Variants in AOC2 observed in about 807,000 individuals in gnomAD.
AOC2 encodes amine oxidase [copper-containing] 2.
A neutral mutation model predicts 53.8 loss-of-function variants in AOC2; 57 were observed. The ratio of observed to expected loss-of-function variants is 1.06; its 90% CI spans 0.86 to 1.32. The LOEUF (loss-of-function observed/expected upper bound fraction) is 1.32. Ranked by LOEUF, AOC2 falls within the 40% of genes most tolerant of loss-of-function variation. The probability of loss-of-function intolerance (pLI) is 0.00; values close to 1 mark genes in which losing one functional copy is unlikely to be tolerated. For missense variants in AOC2, 1,008 were observed against 957.2 expected, an observed-to-expected ratio of 1.05 and a Z score of -0.70; for synonymous variants, 404 against 399.0, an observed-to-expected ratio of 1.01 and a Z score of -0.15.
Position 42,849,179 on chromosome 17 carries a change from CTCGGCAGG to C in AOC2, c.1685_1692del (p.Arg562ProfsTer23). 6.2e-7 allele frequency: 1 copy of C among 1,614,218 alleles called. No homozygotes were observed. Among genetic ancestry groups the C allele is most frequent in the East Asian group, 2.2e-5 (1 of 44,878 alleles). On this transcript the variant is annotated frameshift_variant, in exon 2 of 4. Coordinates refer to ENST00000253799, the MANE Select transcript of AOC2 (RefSeq NM_009590.4). LOFTEE classifies it high-confidence loss of function. ...CACTGGCTACAGCGCCCACAGCTGACTCGGCAGGTCCTGGGAAAGGAGGACCTGACAGC... is the reference window on the plus strand; with the variant it reads ...CACTGGCTACAGCGCCCACAGCTGACTCCTGGGAAAGGAGGACCTGACAGC...
Position 42,845,987 on chromosome 17 carries a change from T to G in AOC2, c.1361T>G (p.Leu454Arg), listed in dbSNP as rs779116861. Reference sequence around the variant, plus strand: ...TATGGTGGTTTGGCCAGCTCAGCCCTTGTGGTCAGGTCTGTGTCATCTGTG... The same window carrying G: ...TATGGTGGTTTGGCCAGCTCAGCCCGTGTGGTCAGGTCTGTGTCATCTGTG... ...HFYGGLASSA[L>R]VVRSVSSVGN... is the part of the protein sequence containing the mutation. Residue 454 changes from leucine to arginine, a missense_variant, in exon 1 of 4, where the codon CTT becomes CGT. Leu to Arg is a moderately radical substitution (Grantham distance 102). Coordinates refer to ENST00000253799, the MANE Select transcript of AOC2 (RefSeq NM_009590.4). 5.0e-6 allele frequency: 8 copies of G among 1,614,084 alleles called. 1 individual carries two copies. The South Asian group carries it at 8.8e-5, about 18-fold the overall frequency.
At chr17:42,847,519 A>G (rs1163029375) in intron 1 of AOC2, among the ~76,000 whole-genome samples, 2 of 152,204 alleles carry the variant, frequency 1.3e-5, no homozygotes, top group African/African-American at 4.8e-5. Context: ...AAAGGTATGA[A>G]TGTGCTTGCT....
chr17:42,846,189 C>CT lies in AOC2; in HGVS notation c.1565dup (p.Lys523GlnfsTer16). 6.6e-7 allele frequency: 1 copy of CT among 1,524,078 alleles called. No homozygotes were observed. Among genetic ancestry groups the CT allele is most frequent in the South Asian group, 1.3e-5 (1 of 76,390 alleles). The allele number at this position is 1,524,078 out of a possible 1,614,324, so 94.4% of individuals were successfully genotyped here. ...GAACGGTGCACACACATGCCTTCCA[C>CT]TTCAAGCTGGACCTGGATGTGGCAG... On this transcript the variant is annotated frameshift_variant, in exon 1 of 4. Transcript: ENST00000253799. LOFTEE classifies it high-confidence loss of function.
rs1159076182 is a variant in AOC2, at chr17:42,845,324, T to C, written c.698T>C (p.Phe233Ser). The change falls in exon 1 of 4, where the codon TTC (phenylalanine) becomes TCC (serine). Residue 233 changes from phenylalanine to serine, a missense_variant. Physicochemically the swap from Phe to Ser is radical, Grantham distance 155. Transcript: ENST00000253799. ...CATAACATCTCAGGGGTTGGTCTTT[T>C]CCTTCACCCCGTGGGGCTGGAGCTA... ...LYHNISGVGL[F>S]LHPVGLELLL... 1 of 1,614,150 alleles carries C rather than the reference T, an allele frequency of 6.2e-7. No individual in the cohort carries two copies. The highest frequency in any genetic ancestry group is 1.1e-5 in the South Asian group (1 of 91,086).
At position 42,850,198 on chromosome 17, in the gene AOC2, T is replaced by C. The variant is rs1214405707; in HGVS notation, c.2121T>C (p.Phe707=). 8.7e-6 allele frequency: 14 copies of C among 1,614,056 alleles called. No individual in the cohort carries two copies. The highest frequency in any genetic ancestry group is 1.3e-5 in the African/African-American group (1 of 74,908). ...TCTTGCTCCGACCCTATAACTTCTT[T>C]GATGAGGACCCCTCCATCTTCTCCC... is the stretch of plus-strand genomic sequence containing the variant. ...VGFLLRPYNF[F]DEDPSIFSPG... is the part of the protein sequence containing the mutation. The change falls in exon 4 of 4, where the codon TTT becomes TTC. Residue 707 remains phenylalanine, a synonymous_variant. Transcript: ENST00000253799.
rs763334115 is a variant in AOC2 at position 42,850,296 on chromosome 17, A to G, written c.2219A>G (p.Asp740Gly). Reference protein sequence around the residue: ...CSINPVACLPDLAACVPDLPP... With the variant: ...CSINPVACLPGLAACVPDLPP... ...ATCAATCCTGTGGCCTGCCTCCCCGACCTGGCAGCCTGTGTCCCGGACTTA... is the reference window on the plus strand; with the variant it reads ...ATCAATCCTGTGGCCTGCCTCCCCGGCCTGGCAGCCTGTGTCCCGGACTTA... The change falls in exon 4 of 4, where the codon GAC (aspartate) becomes GGC (glycine). Residue 740 changes from aspartate (D) to glycine (G), a missense_variant. By Grantham distance (94) the Asp-to-Gly change is moderately conservative. Transcript: ENST00000253799. 6.2e-7 allele frequency: 1 copy of G among 1,613,350 alleles called. No homozygotes were observed. Among genetic ancestry groups the G allele is most frequent in the South Asian group, 1.1e-5 (1 of 91,062 alleles).
At chr17:42,848,524 A>AATATATATATATATATAT (rs71228780) in intron 1 of AOC2, among the ~76,000 whole-genome samples, 14 of 131,256 alleles carry the variant, frequency 1.1e-4, no homozygotes, top group Admixed American at 3.8e-4. Flanking sequence ...AGAGGAACTG[A>AATATATATATATATATAT]ATATATATAT....
chr17:42,849,409 G>A, intron 2 of AOC2, 38 bp downstream of exon 2: 4 of 1,598,742 alleles, frequency 2.5e-6, no homozygotes, highest in Non-Finnish European at 3.4e-6. Flanking sequence ...GGAAAGGACA[G>A]CCCCTCCCCT....
In AOC2 at chr17:42,849,012, C is replaced by A. The variant is rs912205010; in HGVS notation, c.1589-74C>A. The A allele has an allele frequency of 8.2e-6, 12 of 1,455,650 alleles. No homozygotes were observed. In the African/African-American group the frequency reaches 1.7e-4, roughly 21 times the overall value. The allele number at this position is 1,455,650 out of a possible 1,614,324, so 90.2% of individuals were successfully genotyped here. On this transcript the variant is annotated intron_variant, in intron 1 of 3. Coordinates refer to ENST00000253799, the MANE Select transcript of AOC2 (RefSeq NM_009590.4). Reference sequence around the variant, plus strand: ...TTTGTCACACCAGTGCAGTGGACATCATGGGGAAGACAGGGACCTGGCCCA... The same window carrying A: ...TTTGTCACACCAGTGCAGTGGACATAATGGGGAAGACAGGGACCTGGCCCA...
intron 1 of AOC2, among the ~76,000 whole-genome samples, chr17:42,846,463 A>G (rs904552812): frequency 1.3e-5 from 2 of 152,178 alleles, no homozygotes; most frequent in Admixed American, 6.5e-5. Context: ...CTGACTTGCT[A>G]TGATTGTGAA....
chr17:42,849,805 G>A, intron 3 of AOC2, 75 bp downstream of exon 3: 10 of 1,597,372 alleles, frequency 6.3e-6, no homozygotes, highest in Non-Finnish European at 8.6e-6. Context: ...CTGGCCAAAG[G>A]TTAGAGGGAA....
At position 42,846,327 on chromosome 17, in the gene AOC2, G is replaced by A; in HGVS notation, c.1588+113G>A. ...AAATAACAAGTGGCAAGAGCAGGGT[G>A]TTCCAACACCACAGCTCTAGTGGCA... On this transcript the variant is annotated intron_variant, in intron 1 of 3. Transcript: ENST00000253799. 4.1e-6 allele frequency: 5 copies of A among 1,215,148 alleles called. No individual in the cohort carries two copies. The South Asian group carries it at 4.9e-5, about 12-fold the overall frequency. 75.3% of individuals were successfully genotyped at this position (1,215,148 alleles called of 1,614,324 possible).
chr17:42,847,782 C>CT (rs1213018759), intron 1 of AOC2, among the ~76,000 whole-genome samples: 2,085 of 140,694 alleles, frequency 0.015, 63 homozygotes, highest in South Asian at 0.11. Flanking sequence ...CCACGCCCAG[C>CT]TTTTTTTTTT....
At position 42,844,766 on chromosome 17, in the gene AOC2, G is replaced by A. The variant is rs147588427; in HGVS notation, c.140G>A (p.Trp47Ter). ...TCTGTATCCCATAGGGCCCAGCCCT[G>A]GCCACACCCTGGCCAGAGCCAGCTG... Reference protein sequence around the residue: ...CPSVSHRAQPWPHPGQSQLFA... With the variant: ...CPSVSHRAQP Residue 47 changes from tryptophan to a stop codon, truncating the protein, a stop_gained, in exon 1 of 4, where the codon TGG (tryptophan) becomes TAG (stop). Transcript: ENST00000253799. LOFTEE classifies it high-confidence loss of function. The A allele has an allele frequency of 6.0e-4, 973 of 1,614,088 alleles. 11 individuals carry two copies. The highest frequency in any genetic ancestry group is 2.0e-4 in the Admixed American group (12 of 60,012).
Position 42,849,600 on chromosome 17 carries a change from G to A in AOC2, c.1875-1G>A. ...ACCACCTTCTTATGATTCCTGGCCA[G>A]ATACCAGCTTGTGGTGACCCAGAGA... On this transcript the variant is annotated splice_acceptor_variant, in intron 2 of 3. Coordinates refer to ENST00000253799, the MANE Select transcript of AOC2 (RefSeq NM_009590.4). LOFTEE classifies it high-confidence loss of function. 6.2e-7 allele frequency: 1 copy of A among 1,614,232 alleles called. No homozygotes were observed. The highest frequency in any genetic ancestry group is 1.1e-5 in the South Asian group (1 of 91,084).
chr17:42,850,069 C>T lies in AOC2; in HGVS notation c.2005-13C>T. The T allele has an allele frequency of 4.3e-6, 7 of 1,610,390 alleles. No homozygotes were observed. Among genetic ancestry groups the T allele is most frequent in the Non-Finnish European group, 5.9e-6 (7 of 1,177,088 alleles). The stretch of plus-strand genomic sequence containing the variant: ...CGCTTCCATAGTCCTCCAGCTCCTC[C>T]TTCTTCTTGCAGGATCTGGTGGCTT... On this transcript the variant is annotated splice_polypyrimidine_tract_variant and intron_variant, in intron 3 of 3. Transcript: ENST00000253799.
At position 42,845,573 on chromosome 17, in the gene AOC2, A is replaced by T. The variant is rs369455119; in HGVS notation, c.947A>T (p.Gln316Leu). 5 of 1,614,052 alleles carry T rather than the reference A, an allele frequency of 3.1e-6. No individual in the cohort carries two copies. Among genetic ancestry groups the T allele is most frequent in the Non-Finnish European group, 3.4e-6 (4 of 1,180,032 alleles). The change falls in exon 1 of 4, where the codon CAG (glutamine) becomes CTG (leucine). Residue 316 changes from glutamine (Q) to leucine (L), a missense_variant. Physicochemically the swap from Gln to Leu is moderately radical, Grantham distance 113. Coordinates refer to ENST00000253799, the MANE Select transcript of AOC2 (RefSeq NM_009590.4). ...PPLQFSPQGS[Q>L]YSVQGNLVVS... is the part of the protein sequence containing the mutation. ...CTTCAGTTCTCGCCCCAGGGTTCCC[A>T]GTACAGTGTGCAAGGAAACCTGGTG...
Position 42,845,351 on chromosome 17 carries a change from T to C in AOC2, c.725T>C (p.Leu242Pro). ...CTTCACCCCGTGGGGCTGGAGCTACTACTGGACCACAGGGCCCTGGACCCT... is the reference window on the plus strand; with the variant it reads ...CTTCACCCCGTGGGGCTGGAGCTACCACTGGACCACAGGGCCCTGGACCCT... ...LFLHPVGLEL[L>P]LDHRALDPAH... is the part of the protein sequence containing the mutation. Residue 242 changes from leucine to proline, a missense_variant, in exon 1 of 4, where the codon CTA becomes CCA. By Grantham distance (98) the Leu-to-Pro change is moderately conservative. Coordinates refer to ENST00000253799, the MANE Select transcript of AOC2 (RefSeq NM_009590.4). 6.2e-7 allele frequency: 1 copy of C among 1,614,208 alleles called. No individual in the cohort carries two copies. Among genetic ancestry groups the C allele is most frequent in the Non-Finnish European group, 8.5e-7 (1 of 1,180,028 alleles).
intron 1 of AOC2, among the ~76,000 whole-genome samples, chr17:42,848,289 G>A (rs1024231084): frequency 6.6e-6 from 1 of 151,336 alleles, no homozygotes; most frequent in Non-Finnish European, 1.5e-5. Context: ...AGCTGCAAGT[G>A]CTTTTCTGTT....
Sources: allele counts gnomAD v4.1 joint callset (sites outside exome capture counted in the v4.1 genomes callset), GRCh38; gene constraint gnomAD v4.1.1; transcripts MANE v1.5; gene names NCBI Gene and HGNC (gene_info 2026-07-23, HGNC 2026-07-21).